DCDC1: variants seen among roughly 807,000 people sequenced by gnomAD.
The protein encoded by DCDC1 is doublecortin domain-containing protein 1.
DCDC1 carries 200 observed loss-of-function variants against 178.3 expected under a neutral mutation model. That is an observed-to-expected ratio of 1.12 (90% CI 1.00 to 1.26). The LOEUF is 1.26. DCDC1 is among the 50% of genes most tolerant of loss of function. DCDC1 has a pLI of 0.00. For missense variants in DCDC1, 1,983 were observed against 1,749.2 expected, an observed-to-expected ratio of 1.13 and a Z score of -2.38; for synonymous variants, 690 against 604.8, an observed-to-expected ratio of 1.14 and a Z score of -2.07.
chr11:30,905,015 T>G lies in DCDC1; in HGVS notation c.4254A>C (p.Lys1418Asn). The change falls in exon 31 of 39, where the codon AAA becomes AAC. Residue 1418 changes from lysine to asparagine, a missense_variant. Lys to Asn is a moderately conservative substitution (Grantham distance 94). Coordinates refer to ENST00000684477, the MANE Select transcript of DCDC1 (RefSeq NM_001387274.1). Reference sequence around the variant, plus strand: ...TCCCATTACGATACCCATCCCCATTTTTGTATGCAATTATTTTCACTGCCT... The same window carrying G: ...TCCCATTACGATACCCATCCCCATTGTTGTATGCAATTATTTTCACTGCCT... ...HQKAVKIIAYKNGDGYRNGKL... is the reference protein window; with the variant it reads ...HQKAVKIIAYNNGDGYRNGKL... The G allele has an allele frequency of 6.2e-7, 1 of 1,613,896 alleles. No homozygotes were observed. Among genetic ancestry groups the G allele is most frequent in the Non-Finnish European group, 8.5e-7 (1 of 1,179,782 alleles).
At chr11:30,959,682 C>G (rs930195318) in intron 20 of DCDC1, among the ~76,000 whole-genome samples, 5 of 152,144 alleles carry the variant, frequency 3.3e-5, no homozygotes, top group African/African-American at 4.8e-5. Flanking sequence ...AAAAGGTCCT[C>G]GGAGGATCAG....
intron 20 of DCDC1, among the ~76,000 whole-genome samples, chr11:31,047,237 G>GTTCA (rs1954901345): frequency 6.6e-6 from 1 of 152,004 alleles, no homozygotes; most frequent in African/African-American, 2.4e-5. Context: ...ACAAATTAAG[G>GTTCA]TTCACACTGA....
At chr11:31,303,069 C>T (rs1235429614) in intron 6 of DCDC1, among the ~76,000 whole-genome samples, 1 of 152,142 alleles carries the variant, frequency 6.6e-6, no homozygotes, top group Non-Finnish European at 1.5e-5. Context: ...TATGCTGGGG[C>T]ACACATAGTA....
At chr11:31,032,067 T>G (rs563267975) in intron 20 of DCDC1, among the ~76,000 whole-genome samples, 3 of 152,262 alleles carry the variant, frequency 2.0e-5, no homozygotes, top group African/African-American at 7.2e-5. Context: ...CTTCCCTTAG[T>G]CAACCTCCTT....
At position 30,912,246 on chromosome 11, in the gene DCDC1, A is replaced by G. The variant is rs1483858212; in HGVS notation, c.3654-826T>C. On this transcript the variant is annotated intron_variant, in intron 27 of 38. Coordinates refer to ENST00000684477, the MANE Select transcript of DCDC1 (RefSeq NM_001387274.1). ...CAACCTCCAGAACTGTAAGAAATAA[A>G]TTTCATTCCTTATAAATTACTCAGT... Among the ~76,000 whole-genome samples the G allele has an allele frequency of 2.0e-5, 3 of 151,744 alleles. No homozygotes were observed. In the East Asian group the frequency reaches 5.8e-4, roughly 29 times the overall value.
In DCDC1 at chr11:31,352,559, T is replaced by C. The variant is rs116946833; in HGVS notation, c.-124-16995A>G. The stretch of plus-strand genomic sequence containing the variant: ...CGAGTAGTCAAGGCATTCCATATAT[T>C]AAGGAAGTATGACTTAATTTCCTAT... On this transcript the variant is annotated intron_variant, in intron 1 of 38. Coordinates refer to ENST00000684477, the MANE Select transcript of DCDC1 (RefSeq NM_001387274.1). Among the ~76,000 whole-genome samples, 679 of 152,238 alleles carry C rather than the reference T, an allele frequency of 4.5e-3. 7 individuals carry two copies. The highest frequency in any genetic ancestry group is 7.6e-3 in the Non-Finnish European group (516 of 67,988).
chr11:30,878,782 TG>T, intron 37 of DCDC1, 71 bp from the exon 38 acceptor site: 1 of 1,440,202 alleles, frequency 6.9e-7, no homozygotes. Context: ...AAGTCCAGGA[TG>T]ATGAAAAACT....
chr11:30,980,203 T>C (rs1950324446), intron 20 of DCDC1, among the ~76,000 whole-genome samples: 1 of 152,144 alleles, frequency 6.6e-6, no homozygotes, highest in Non-Finnish European at 1.5e-5. Flanking sequence ...TCACACCAAA[T>C]ACATTTTGTA....
chr11:31,029,535 T>C (rs1420530880), intron 20 of DCDC1, among the ~76,000 whole-genome samples: 1 of 152,086 alleles, frequency 6.6e-6, no homozygotes, highest in Non-Finnish European at 1.5e-5. Context: ...CTCTTTAATA[T>C]ATATTTTTTA....
chr11:31,183,034 T>C (rs753951975), intron 9 of DCDC1, among the ~76,000 whole-genome samples: 6 of 152,120 alleles, frequency 3.9e-5, no homozygotes, highest in African/African-American at 7.2e-5. Flanking sequence ...AAGGGATCAA[T>C]GCAACAAGAA....
At chr11:31,304,128 A>C (rs181161144) in intron 6 of DCDC1, among the ~76,000 whole-genome samples, 1 of 152,344 alleles carries the variant, frequency 6.6e-6, no homozygotes, top group Non-Finnish European at 1.5e-5. Flanking sequence ...TAGTTAGTAC[A>C]TTTAAAAATC....
At chr11:31,308,386 T>C (rs1281902819) in intron 3 of DCDC1, among the ~76,000 whole-genome samples, 1 of 152,146 alleles carries the variant, frequency 6.6e-6, no homozygotes, top group Middle Eastern at 3.2e-3. Flanking sequence ...AATCCCCCAA[T>C]AGAGAATATA....
Position 31,088,672 on chromosome 11 carries a change from C to A in DCDC1, c.2237+2721G>T, listed in dbSNP as rs192140981. 5.4e-3 allele frequency among the ~76,000 whole-genome samples: 820 copies of A among 152,158 alleles called. 5 individuals are homozygous for A. The highest frequency in any genetic ancestry group is 0.011 in the Admixed American group (166 of 15,254). On this transcript the variant is annotated intron_variant, in intron 17 of 38. Transcript: ENST00000684477. ...TATTATCACTATTGCTTTAAACAAT[C>A]AATTATTTTTTAAAGAGACAAAAAT... is the stretch of plus-strand genomic sequence containing the variant.
At chr11:31,217,184 G>A (rs149708299) in intron 9 of DCDC1, among the ~76,000 whole-genome samples, 1 of 152,204 alleles carries the variant, frequency 6.6e-6, no homozygotes, top group Admixed American at 6.5e-5. Flanking sequence ...TCAAAAGCAA[G>A]CTGTCATTTC....
chr11:31,252,549 G>A (rs1031384362), intron 8 of DCDC1, among the ~76,000 whole-genome samples: 1 of 151,962 alleles, frequency 6.6e-6, no homozygotes, highest in Non-Finnish European at 1.5e-5. Context: ...AGAGGGTAGG[G>A]CTGTTTTACT....
chr11:31,297,980 T>G (rs1262094453), intron 6 of DCDC1, among the ~76,000 whole-genome samples: 1 of 152,174 alleles, frequency 6.6e-6, no homozygotes, highest in Non-Finnish European at 1.5e-5. Flanking sequence ...TCGGACCACC[T>G]TGGGCACATG....
intron 36 of DCDC1, among the ~76,000 whole-genome samples, chr11:30,888,032 G>GAAAGAA (rs1313906571): frequency 9.0e-6 from 1 of 111,438 alleles, no homozygotes; most frequent in African/African-American, 3.8e-5. Context: ...GAGAGAGAGA[G>GAAAGAA]AGAAAGAAAG....
chr11:30,952,366 G>A (rs1466125503), intron 21 of DCDC1, 79 bp downstream of exon 21: 12 of 1,302,638 alleles, frequency 9.2e-6, no homozygotes, highest in Non-Finnish European at 1.2e-5. Context: ...AAGCTATATG[G>A]AAGTTGTCAG....
intron 20 of DCDC1, among the ~76,000 whole-genome samples, chr11:31,055,426 A>G (rs1172133995): frequency 6.6e-6 from 1 of 152,114 alleles, no homozygotes; most frequent in Non-Finnish European, 1.5e-5. Flanking sequence ...TAGTGTTTCC[A>G]CTGTTTTCAC....
Sources: gnomAD v4.1 joint callset for allele counts (sites outside exome capture counted in the v4.1 genomes callset) on GRCh38, gnomAD v4.1.1 for gene constraint, MANE v1.5 for transcripts, NCBI Gene and HGNC (gene_info 2026-07-23, HGNC 2026-07-21) for gene names.